Variants in TEX14 observed in about 807,000 individuals in gnomAD.
The protein encoded by TEX14 is testis expressed 14, intercellular bridge forming factor.
Under a neutral mutation model 178.6 loss-of-function variants are expected in TEX14, and 168 were observed. That is an observed-to-expected ratio of 0.94 (90% CI 0.83 to 1.07). The LOEUF (loss-of-function observed/expected upper bound fraction) is 1.07. TEX14 is among the 50% of genes least tolerant of loss of function. TEX14 has a pLI of 0.00. For synonymous variants in TEX14, 626 were observed against 634.1 expected (o/e 0.99, Z 0.19); for missense variants, 1,730 against 1,753.6 (o/e 0.99, Z 0.24).
chr17:58,609,912 C>T (rs998966528), intron 10 of TEX14, among the ~76,000 whole-genome samples: 1 of 152,102 alleles, frequency 6.6e-6, no homozygotes, highest in Non-Finnish European at 1.5e-5. Flanking sequence ...GGTGAGAGAC[C>T]AGAAACAAAG....
At chr17:58,647,360 T>C (rs2046733609) in intron 2 of TEX14, among the ~76,000 whole-genome samples, 2 of 151,536 alleles carry the variant, frequency 1.3e-5, no homozygotes, top group African/African-American at 4.8e-5. Context: ...TGAAACCCCA[T>C]CTCTACTAAA....
chr17:58,615,592 T>A (rs746832896), intron 7 of TEX14, among the ~76,000 whole-genome samples: 17 of 152,072 alleles, frequency 1.1e-4, no homozygotes, highest in Non-Finnish European at 2.5e-4. Context: ...AGGTTTGTAT[T>A]CAAAAACACA....
intron 26 of TEX14, chr17:58,567,606 C>T (rs148757417): frequency 6.6e-6 from 1 of 152,276 alleles, no homozygotes; most frequent in East Asian, 1.9e-4. Context: ...GTTCCAGTAA[C>T]TCCCCAAAGG....
intron 1 of TEX14, chr17:58,661,822 T>C (rs1487595022): frequency 4.2e-6 from 2 of 481,680 alleles, no homozygotes; most frequent in African/African-American, 4.0e-5. Flanking sequence ...TCTCTCTGTT[T>C]CCGTTTCCTA....
chr17:58,667,159 A>G, intron 1 of TEX14, among the ~76,000 whole-genome samples: 1 of 152,182 alleles, frequency 6.6e-6, no homozygotes, highest in Non-Finnish European at 1.5e-5. Context: ...CGGGATACCC[A>G]CGCTGTGAAC....
intron 9 of TEX14, among the ~76,000 whole-genome samples, chr17:58,612,502 A>T (rs2045769581): frequency 6.6e-6 from 1 of 151,964 alleles, no homozygotes; most frequent in Admixed American, 6.6e-5. Flanking sequence ...TAGGAGGCTG[A>T]GACAGGTGAA....
At chr17:58,571,814 G>T in intron 24 of TEX14, 107 bp downstream of exon 24, 1 of 971,662 alleles carries the variant, frequency 1.0e-6, no homozygotes, top group Non-Finnish European at 1.6e-6. Flanking sequence ...AGAGGACCCA[G>T]CTTATTTCTT....
intron 17 of TEX14, among the ~76,000 whole-genome samples, chr17:58,587,241 G>A (rs560705201): frequency 4.3e-4 from 65 of 152,218 alleles, no homozygotes; most frequent in East Asian, 3.3e-3. Flanking sequence ...GCTTAAAGTC[G>A]TAGTTTGCTT....
intron 1 of TEX14, among the ~76,000 whole-genome samples, chr17:58,660,192 G>A (rs67752533): frequency 0.18 from 27,623 of 150,060 alleles, 2,720 homozygotes; most frequent in Non-Finnish European, 0.21. Flanking sequence ...ATCACCTGAG[G>A]TCAGGAGCTC....
chr17:58,605,321 A>G (rs2045581217), intron 10 of TEX14, among the ~76,000 whole-genome samples, 192 bp from the exon 11 acceptor site: 1 of 152,128 alleles, frequency 6.6e-6, no homozygotes, highest in South Asian at 2.1e-4. Context: ...CAGCCTCCCA[A>G]GTAGCTAGGA....
At chr17:58,653,374 A>C (rs1238928664) in intron 1 of TEX14, among the ~76,000 whole-genome samples, 7 of 152,188 alleles carry the variant, frequency 4.6e-5, no homozygotes, top group Non-Finnish European at 7.3e-5. Context: ...TGACAGCCAC[A>C]CCTGACCATC....
intron 10 of TEX14, 102 bp from the exon 11 acceptor site, chr17:58,605,231 A>G: frequency 1.4e-6 from 2 of 1,383,670 alleles, no homozygotes; most frequent in East Asian, 2.5e-5. Flanking sequence ...TTGCCCTGTC[A>G]CCCAGGCTGG....
intron 1 of TEX14, among the ~76,000 whole-genome samples, chr17:58,685,312 T>G (rs905641928): frequency 6.6e-6 from 1 of 151,798 alleles, no homozygotes; most frequent in Admixed American, 6.6e-5. Flanking sequence ...GGTGCACACC[T>G]GTAATCCCAG....
rs2044146729 is a variant in TEX14 at position 58,556,894 on chromosome 17, A to G, written c.*117T>C. On this transcript the variant is annotated 3_prime_UTR_variant, in exon 32 of 32. Transcript: ENST00000349033. ...TCTATTGTGGCAGCTGAACAAAGTG[A>G]GACTTACAGAACTGGAACTGCTGCC... is the stretch of plus-strand genomic sequence containing the variant. The G allele has an allele frequency of 2.4e-6, 2 of 823,876 alleles. No individual in the cohort carries two copies. The highest frequency in any genetic ancestry group is 4.2e-6 in the Non-Finnish European group (2 of 474,116). 51.0% of individuals were successfully genotyped at this position (823,876 alleles called of 1,614,324 possible).
At chr17:58,611,908 A>G (rs956729646) in intron 9 of TEX14, among the ~76,000 whole-genome samples, 2 of 152,204 alleles carry the variant, frequency 1.3e-5, no homozygotes, top group Admixed American at 6.5e-5. Flanking sequence ...AGGGGGAAAA[A>G]CAGAAAAAAA....
At chr17:58,623,437 C>T (rs1462238018) in intron 3 of TEX14, among the ~76,000 whole-genome samples, 2 of 152,128 alleles carry the variant, frequency 1.3e-5, no homozygotes, top group Non-Finnish European at 2.9e-5. Flanking sequence ...AACAAGGCGC[C>T]ACCTCTCTCG....
chr17:58,660,281 A>T (rs1047686198), intron 1 of TEX14: 27 of 169,952 alleles, frequency 1.6e-4, no homozygotes, highest in African/African-American at 6.5e-4. Flanking sequence ...GGCGCCTGTA[A>T]TCCCAGCTAC....
At chr17:58,582,474 G>A (rs2044845424) in intron 19 of TEX14, among the ~76,000 whole-genome samples, 1 of 151,914 alleles carries the variant, frequency 6.6e-6, no homozygotes, top group Non-Finnish European at 1.5e-5. Flanking sequence ...GGCCAAACTG[G>A]TCTTGAACTC....
intron 19 of TEX14, chr17:58,581,847 C>T: frequency 8.8e-7 from 1 of 1,138,242 alleles, no homozygotes. Context: ...GTCAGTGTGA[C>T]ACTGAGCTGA....
Sources: gnomAD v4.1 joint callset for allele counts (sites outside exome capture counted in the v4.1 genomes callset) on GRCh38, gnomAD v4.1.1 for gene constraint, MANE v1.5 for transcripts, NCBI Gene and HGNC (gene_info 2026-07-23, HGNC 2026-07-21) for gene names.